PLIN3: variants seen among roughly 807,000 people sequenced by gnomAD.
PLIN3 encodes the protein perilipin 3, also known as perilipin-3.
A neutral mutation model predicts 35.9 loss-of-function variants in PLIN3; 30 were observed. The ratio of observed to expected loss-of-function variants is 0.84; its 90% confidence interval spans 0.62 to 1.13. The LOEUF (loss-of-function observed/expected upper bound fraction) is 1.13. Ranked by LOEUF, PLIN3 falls within the 50% of genes most tolerant of loss-of-function variation. PLIN3 has a pLI of 0.00. For missense variants in PLIN3, 603 were observed against 596.9 expected (o/e 1.01, Z -0.11); for synonymous variants, 261 against 262.5 (o/e 0.99, Z 0.06).
chr19:4,854,401 GT>G (rs1467582819), intron 4 of PLIN3, among the ~76,000 whole-genome samples: 1 of 37,194 alleles, frequency 2.7e-5, no homozygotes, highest in Non-Finnish European at 5.3e-5. Flanking sequence ...CAAGTTTTTT[GT>G]TTTTGTTTTT....
At chr19:4,861,534 C>A in intron 1 of PLIN3, 123 bp from the exon 2 acceptor site, 1 of 646,802 alleles carries the variant, frequency 1.5e-6, no homozygotes, top group East Asian at 2.7e-5. Context: ...CTGTGTCTTT[C>A]AGTCCTTAGC....
At chr19:4,865,770 C>CTGGAG (rs1460278140) in intron 1 of PLIN3, among the ~76,000 whole-genome samples, 1 of 146,750 alleles carries the variant, frequency 6.8e-6, no homozygotes, top group Non-Finnish European at 1.5e-5. Context: ...GTCGCCCACG[C>CTGGAG]TGGAGTGCAG....
intron 4 of PLIN3, among the ~76,000 whole-genome samples, chr19:4,857,370 G>A (rs2030508765): frequency 6.6e-6 from 1 of 151,946 alleles, no homozygotes; most frequent in African/African-American, 2.4e-5. Flanking sequence ...AGGAGTCTGA[G>A]AACAGCCTGG....
At chr19:4,846,762 A>G (rs10401379) in intron 6 of PLIN3, among the ~76,000 whole-genome samples, 131,277 of 152,108 alleles carry the variant, frequency 0.86, 56,671 homozygotes, top group Admixed American at 0.91. Context: ...GTGAATACAC[A>G]GAGAGAAGAT....
chr19:4,863,568 C>A (rs2030746203), intron 1 of PLIN3, among the ~76,000 whole-genome samples: 1 of 151,328 alleles, frequency 6.6e-6, no homozygotes, highest in South Asian at 2.1e-4. Flanking sequence ...CCTCTAATCC[C>A]AGCACTTTGG....
At chr19:4,860,135 C>T in intron 2 of PLIN3, 111 bp from the exon 3 acceptor site, 1 of 856,540 alleles carries the variant, frequency 1.2e-6, no homozygotes, top group Non-Finnish European at 1.9e-6. Flanking sequence ...TGAAACGGCT[C>T]AGTTTACCCA....
At chr19:4,858,047 G>A (rs977449699) in intron 4 of PLIN3, among the ~76,000 whole-genome samples, 8 of 151,672 alleles carry the variant, frequency 5.3e-5, no homozygotes, top group African/African-American at 1.9e-4. Flanking sequence ...GGCCGAGGCG[G>A]GAGGATCACG....
At chr19:4,841,514 G>C (rs1237294910) in intron 7 of PLIN3, among the ~76,000 whole-genome samples, 1 of 151,844 alleles carries the variant, frequency 6.6e-6, no homozygotes, top group African/African-American at 2.4e-5. Context: ...AGATGAGATA[G>C]GGATAGTTGC....
chr19:4,850,443 C>A (rs1275653746), intron 5 of PLIN3, among the ~76,000 whole-genome samples: 1 of 151,310 alleles, frequency 6.6e-6, no homozygotes, highest in East Asian at 1.9e-4. Flanking sequence ...TTTTTTGAGA[C>A]GGCGTCTAGC....
At chr19:4,866,942 ATG>A (rs2030878233) in intron 1 of PLIN3, 1 of 152,572 alleles carries the variant, frequency 6.6e-6, no homozygotes, top group African/African-American at 2.4e-5. Context: ...ACTTCAGAGC[ATG>A]CTAAGACTGG....
At position 4,859,578 on chromosome 19, in the gene PLIN3, G is replaced by T. The variant is rs370143081; in HGVS notation, c.348+12C>A. ...CTGTCTCGACAGAGCCCCTGAGGAC[G>T]GACATCGTTACCTTCTCCGTGGGCT... On this transcript the variant is annotated intron_variant, in intron 4 of 7. Transcript: ENST00000221957. 5.0e-6 allele frequency: 8 copies of T among 1,612,368 alleles called. No individual in the cohort carries two copies. In the Middle Eastern group the frequency reaches 4.9e-4, roughly 100 times the overall value.
chr19:4,863,786 C>T (rs994239929), intron 1 of PLIN3, among the ~76,000 whole-genome samples: 1 of 150,824 alleles, frequency 6.6e-6, no homozygotes, highest in Non-Finnish European at 1.5e-5. Flanking sequence ...TGGTATTGCA[C>T]CACTGCACTC....
intron 6 of PLIN3, among the ~76,000 whole-genome samples, chr19:4,846,719 A>G (rs1055518185): frequency 1.3e-5 from 2 of 151,970 alleles, no homozygotes; most frequent in African/African-American, 2.4e-5. Flanking sequence ...AGAGATTAGG[A>G]CACAGACATA....
At position 4,853,105 on chromosome 19, in the gene PLIN3, C is replaced by T. The variant is rs1174828502; in HGVS notation, c.349-804G>A. Among the ~76,000 whole-genome samples the T allele has an allele frequency of 3.4e-5, 5 of 148,066 alleles. No homozygotes were observed. In the South Asian group the frequency reaches 8.7e-4, roughly 26 times the overall value. On this transcript the variant is annotated intron_variant, in intron 4 of 7. Transcript: ENST00000221957. ...AGGATTACAGGCATGAGCCACTGCACTCTGCCTGTTTTTTGTTTTTTTTTT... is the reference window on the plus strand; with the variant it reads ...AGGATTACAGGCATGAGCCACTGCATTCTGCCTGTTTTTTGTTTTTTTTTT...
In PLIN3 at chr19:4,839,215, T is replaced by C; in HGVS notation, c.1282A>G (p.Lys428Glu). ...VGPFAPGITEKAPEEKK is the reference protein window; with the variant it reads ...VGPFAPGITEEAPEEKK ...CCCTACTTCTTCTCCTCCGGGGCTT[T>C]CTCAGTGATTCCAGGGGCAAAGGGT... The change falls in exon 8 of 8, where the codon AAA (lysine) becomes GAA (glutamate). Residue 428 changes from lysine to glutamate, a missense_variant. Physicochemically the swap from Lys to Glu is moderately conservative, Grantham distance 56. Coordinates refer to ENST00000221957, the MANE Select transcript of PLIN3 (RefSeq NM_005817.5). 1 of 1,607,354 alleles carries C rather than the reference T, an allele frequency of 6.2e-7. No individual in the cohort carries two copies. Among genetic ancestry groups the C allele is most frequent in the Non-Finnish European group, 8.5e-7 (1 of 1,174,792 alleles).
intron 5 of PLIN3, among the ~76,000 whole-genome samples, chr19:4,850,791 A>G (rs1219471867): frequency 6.6e-6 from 1 of 150,968 alleles, no homozygotes; most frequent in Non-Finnish European, 1.5e-5. Flanking sequence ...GGCTTGTCTC[A>G]AACTCTTGAC....
At chr19:4,860,416 G>A (rs539573532) in intron 2 of PLIN3, among the ~76,000 whole-genome samples, 29 of 151,930 alleles carry the variant, frequency 1.9e-4, no homozygotes, top group Admixed American at 1.3e-3. Flanking sequence ...TGTTGGCCAG[G>A]CTGGTCTTGA....
intron 5 of PLIN3, among the ~76,000 whole-genome samples, chr19:4,851,318 T>G (rs935298914): frequency 6.6e-6 from 1 of 151,626 alleles, no homozygotes; most frequent in African/African-American, 2.4e-5. Context: ...TACAAAAAAT[T>G]AGCTGTGTGG....
At chr19:4,839,787 T>A (rs112053715) in intron 7 of PLIN3, among the ~76,000 whole-genome samples, 118 of 138,860 alleles carry the variant, frequency 8.5e-4, no homozygotes, top group African/African-American at 2.1e-3. Flanking sequence ...TGCCTCAGCC[T>A]CCCGAGTAGC....
Sources: allele counts gnomAD v4.1 joint callset (sites outside exome capture counted in the v4.1 genomes callset), GRCh38; gene constraint gnomAD v4.1.1; transcripts MANE v1.5; gene names NCBI Gene and HGNC (gene_info 2026-07-23, HGNC 2026-07-21).